MPZL1: variants seen among roughly 807,000 people sequenced by gnomAD.
MPZL1 encodes the protein myelin protein zero like 1, also known as myelin protein zero-like protein 1.
In MPZL1, 16 loss-of-function variants were observed where a neutral mutation model predicts 29.3. That is an observed-to-expected ratio of 0.55 (90% confidence interval 0.37 to 0.83). The LOEUF (loss-of-function observed/expected upper bound fraction) is 0.83. MPZL1 is among the 40% of genes least tolerant of loss of function. MPZL1 has a pLI of 0.00. For missense variants in MPZL1, 279 were observed against 332.9 expected (o/e 0.84, Z 1.26); for synonymous variants, 143 against 132.0 (o/e 1.08, Z -0.57).
chr1:167,776,416 C>A (rs1489267690), intron 5 of MPZL1, among the ~76,000 whole-genome samples: 1 of 152,114 alleles, frequency 6.6e-6, no homozygotes, highest in Non-Finnish European at 1.5e-5. Flanking sequence ...TGTTTACTAA[C>A]CATGTAGCTT....
chr1:167,773,484 T>A, intron 4 of MPZL1, 116 bp downstream of exon 4: 1 of 1,274,628 alleles, frequency 7.8e-7, no homozygotes, highest in South Asian at 1.6e-5. Context: ...TTCTTTCATG[T>A]CAGAATCAGG....
intron 1 of MPZL1, among the ~76,000 whole-genome samples, chr1:167,764,886 TAA>T (rs1402040944): frequency 2.6e-5 from 4 of 152,222 alleles, no homozygotes; most frequent in Admixed American, 2.6e-4. Context: ...AAGGCAACCT[TAA>T]AAGGCTACAT....
intron 1 of MPZL1, among the ~76,000 whole-genome samples, chr1:167,747,398 A>G (rs556579963): frequency 6.6e-6 from 1 of 152,186 alleles, no homozygotes; most frequent in South Asian, 2.1e-4. Flanking sequence ...TTTTTAAAAA[A>G]TGTTTTGTAG....
At chr1:167,782,941 T>A (rs933703197) in intron 5 of MPZL1, among the ~76,000 whole-genome samples, 1 of 152,198 alleles carries the variant, frequency 6.6e-6, no homozygotes, top group Non-Finnish European at 1.5e-5. Flanking sequence ...ACCTTGATCT[T>A]AGCACAGTGA....
chr1:167,772,348 G>C lies in MPZL1; in HGVS notation c.332G>C (p.Gly111Ala). 2 of 1,613,868 alleles carry C rather than the reference G, an allele frequency of 1.2e-6. No homozygotes were observed. The highest frequency in any genetic ancestry group is 1.7e-6 in the Non-Finnish European group (2 of 1,179,830). The change falls in exon 3 of 6, where the codon GGA becomes GCA. Residue 111 changes from glycine to alanine, a missense_variant. Coordinates refer to ENST00000359523, the MANE Select transcript of MPZL1 (RefSeq NM_003953.6). ...TTTAAAGACAGAATCAGCTGGGCTG[G>C]AGACCTTGACAAGAAAGATGCATCA... Reference protein sequence around the residue: ...PPFKDRISWAGDLDKKDASIN... With the variant: ...PPFKDRISWAADLDKKDASIN...
intron 1 of MPZL1, among the ~76,000 whole-genome samples, chr1:167,742,351 G>A (rs116521435): frequency 1.7e-3 from 251 of 152,012 alleles, no homozygotes; most frequent in African/African-American, 3.5e-3. Flanking sequence ...TCAAAAACCC[G>A]GCATATAAAT....
intron 5 of MPZL1, chr1:167,786,923 CTA>C (rs1452199346): frequency 6.6e-6 from 1 of 152,198 alleles, no homozygotes; most frequent in African/African-American, 2.4e-5. Context: ...TTTTAAGAGT[CTA>C]GACTGAAAGA....
At chr1:167,786,731 G>A (rs1218671545) in intron 5 of MPZL1, among the ~76,000 whole-genome samples, 1 of 152,212 alleles carries the variant, frequency 6.6e-6, no homozygotes, top group Non-Finnish European at 1.5e-5. Context: ...TCCTGGATGA[G>A]GGTAAGTGTG....
intron 1 of MPZL1, among the ~76,000 whole-genome samples, chr1:167,753,712 C>G (rs939500696): frequency 6.6e-6 from 1 of 151,908 alleles, no homozygotes; most frequent in African/African-American, 2.4e-5. Context: ...TCACTGCAAC[C>G]TCCGCCTCCC....
chr1:167,782,307 A>G (rs557543376), intron 5 of MPZL1, among the ~76,000 whole-genome samples: 153 of 152,210 alleles, frequency 1.0e-3, no homozygotes, highest in Non-Finnish European at 1.8e-3. Flanking sequence ...TTCTTATTTT[A>G]TACCTCAAAA....
chr1:167,773,289 G>C lies in MPZL1; in HGVS notation c.526G>C (p.Val176Leu). Residue 176 changes from valine (V) to leucine (L), a missense_variant, in exon 4 of 6, where the codon GTC (valine) becomes CTC (leucine). Coordinates refer to ENST00000359523, the MANE Select transcript of MPZL1 (RefSeq NM_003953.6). ...WVVVGIVTAV[V>L]LGLTLLISMI... ...AGTGGTGGGCATAGTTACTGCTGTG[G>C]TCCTAGGTCTCACTCTGCTCATCAG... 1 of 1,613,580 alleles carries C rather than the reference G, an allele frequency of 6.2e-7. No homozygotes were observed. The highest frequency in any genetic ancestry group is 8.5e-7 in the Non-Finnish European group (1 of 1,179,542).
intron 1 of MPZL1, among the ~76,000 whole-genome samples, chr1:167,764,621 G>A (rs928716639): frequency 2.0e-5 from 3 of 152,080 alleles, no homozygotes; most frequent in Non-Finnish European, 2.9e-5. Context: ...ATTACATATG[G>A]ATGATGAGAA....
At chr1:167,758,026 C>A (rs1660905921) in intron 1 of MPZL1, among the ~76,000 whole-genome samples, 1 of 151,958 alleles carries the variant, frequency 6.6e-6, no homozygotes, top group South Asian at 2.1e-4. Context: ...TGGTGGCACG[C>A]CCCTGTGGTC....
intron 1 of MPZL1, among the ~76,000 whole-genome samples, chr1:167,756,829 C>T (rs1182783627): frequency 6.6e-6 from 1 of 151,986 alleles, no homozygotes; most frequent in Non-Finnish European, 1.5e-5. Flanking sequence ...AGACACAGCC[C>T]TTTGCCCTCT....
At chr1:167,773,769 G>A (rs1661301149) in intron 4 of MPZL1, 1 of 153,858 alleles carries the variant, frequency 6.5e-6, no homozygotes, top group Non-Finnish European at 1.4e-5. Context: ...CCCTAATTAA[G>A]AAGTTGTGAG....
At chr1:167,723,838 AT>A (rs1660088529) in intron 1 of MPZL1, among the ~76,000 whole-genome samples, 1 of 152,210 alleles carries the variant, frequency 6.6e-6, no homozygotes, top group African/African-American at 2.4e-5. Flanking sequence ...TTCTTGCCAA[AT>A]CACCTCTTTT....
intron 5 of MPZL1, among the ~76,000 whole-genome samples, chr1:167,783,630 ATT>A (rs369020149): frequency 1.0e-3 from 156 of 152,268 alleles, no homozygotes; most frequent in African/African-American, 3.6e-3. Context: ...TGTTGTCTCT[ATT>A]TTACACATGA....
At chr1:167,729,245 G>A (rs1660217479) in intron 1 of MPZL1, among the ~76,000 whole-genome samples, 2 of 151,630 alleles carry the variant, frequency 1.3e-5, no homozygotes, top group Admixed American at 1.3e-4. Context: ...ACTCCAGCCT[G>A]GGTGATAGAG....
chr1:167,774,091 G>A (rs1414720075), intron 4 of MPZL1, among the ~76,000 whole-genome samples: 2 of 152,174 alleles, frequency 1.3e-5, no homozygotes, highest in Non-Finnish European at 2.9e-5. Flanking sequence ...AAGAATTGAT[G>A]ACAAAATATA....
Sources: allele counts gnomAD v4.1 joint callset (sites outside exome capture counted in the v4.1 genomes callset), GRCh38; gene constraint gnomAD v4.1.1; transcripts MANE v1.5; gene names NCBI Gene and HGNC (gene_info 2026-07-23, HGNC 2026-07-21).